RPS6KC1: variants seen among roughly 807,000 people sequenced by gnomAD.
The protein encoded by RPS6KC1 is inactive ribosomal protein S6 kinase delta-1.
A neutral mutation model predicts 103.8 loss-of-function variants in RPS6KC1; 54 were observed. That is an observed-to-expected ratio of 0.52 (90% CI 0.42 to 0.65). The LOEUF is 0.65. Ranked by LOEUF, RPS6KC1 falls within the 30% of genes least tolerant of loss-of-function variation. The pLI, the probability that RPS6KC1 is intolerant of heterozygous loss-of-function variation, is 0.00. For missense variants in RPS6KC1, 1,151 were observed against 1,253.8 expected, an observed-to-expected ratio of 0.92 and a Z score of 1.24; for synonymous variants, 439 against 438.7, an observed-to-expected ratio of 1.00 and a Z score of -0.01.
At chr1:213,667,616 A>G in the RPS6KC1 span, among the ~76,000 whole-genome samples, 15 of 152,102 alleles carry the variant, frequency 9.9e-5, no homozygotes, top group Non-Finnish European at 1.9e-4. Flanking sequence ...GGCTGTAGCA[A>G]TTTCTTAAAA....
At chr1:213,824,530 G>T in the RPS6KC1 span, among the ~76,000 whole-genome samples, 5 of 152,158 alleles carry the variant, frequency 3.3e-5, no homozygotes, top group Admixed American at 2.6e-4. Flanking sequence ...ATATGGTTTG[G>T]CTATGTCCCC....
At chr1:213,098,437 C>G (rs1350249410) in intron 3 of RPS6KC1, among the ~76,000 whole-genome samples, 1 of 151,918 alleles carries the variant, frequency 6.6e-6, no homozygotes, top group Non-Finnish European at 1.5e-5. Flanking sequence ...CCACTGCACC[C>G]TGCCTTATTT....
chr1:213,450,674 C>T, the RPS6KC1 span, among the ~76,000 whole-genome samples: 1 of 152,170 alleles, frequency 6.6e-6, no homozygotes, highest in Non-Finnish European at 1.5e-5. Flanking sequence ...TATCTCTGGG[C>T]TGAGCACATA....
At chr1:213,830,400 A>G in the RPS6KC1 span, among the ~76,000 whole-genome samples, 1 of 152,122 alleles carries the variant, frequency 6.6e-6, no homozygotes, top group African/African-American at 2.4e-5. Context: ...TAATATGGTT[A>G]TTTTTATTCT....
At chr1:213,060,039 A>G (rs558511247) in intron 1 of RPS6KC1, among the ~76,000 whole-genome samples, 1 of 152,106 alleles carries the variant, frequency 6.6e-6, no homozygotes, top group South Asian at 2.1e-4. Flanking sequence ...GCTGGTCTCT[A>G]ACTCCTGGCC....
chr1:213,688,668 A>C, the RPS6KC1 span, among the ~76,000 whole-genome samples: 1 of 152,122 alleles, frequency 6.6e-6, no homozygotes, highest in African/African-American at 2.4e-5. Context: ...AACACTTACC[A>C]TCTTGCTTTC....
At chr1:213,588,994 C>A in the RPS6KC1 span, among the ~76,000 whole-genome samples, 11 of 152,150 alleles carry the variant, frequency 7.2e-5, no homozygotes, top group African/African-American at 2.4e-4. Context: ...GAAGCAGCTC[C>A]TGGTATAGCA....
chr1:213,662,276 C>CT, the RPS6KC1 span, among the ~76,000 whole-genome samples: 10 of 150,466 alleles, frequency 6.6e-5, no homozygotes, highest in South Asian at 4.2e-4. Context: ...CTTTTCTTTT[C>CT]TTTTTTTTTG....
chr1:213,571,187 G>A, the RPS6KC1 span, among the ~76,000 whole-genome samples: 2 of 152,094 alleles, frequency 1.3e-5, no homozygotes, highest in East Asian at 1.9e-4. Flanking sequence ...TAAAATGGAG[G>A]GTTTTTTGGG....
At chr1:213,293,665 C>G in the RPS6KC1 span, among the ~76,000 whole-genome samples, 3 of 152,082 alleles carry the variant, frequency 2.0e-5, no homozygotes, top group Non-Finnish European at 4.4e-5. Flanking sequence ...GAACGAGATG[C>G]TGTCTTGAAA....
At chr1:213,500,907 A>G in the RPS6KC1 span, among the ~76,000 whole-genome samples, 3 of 152,336 alleles carry the variant, frequency 2.0e-5, no homozygotes, top group South Asian at 2.1e-4. Flanking sequence ...TATACTAGAA[A>G]ACAGAAAAAG....
chr1:213,678,528 G>C, the RPS6KC1 span, among the ~76,000 whole-genome samples: 1 of 152,212 alleles, frequency 6.6e-6, no homozygotes, highest in Admixed American at 6.5e-5. Context: ...CTCCCCAGAG[G>C]GCAGCTAGGC....
chr1:213,197,806 C>G (rs1204388001), intron 8 of RPS6KC1, among the ~76,000 whole-genome samples: 1 of 152,108 alleles, frequency 6.6e-6, no homozygotes, highest in Non-Finnish European at 1.5e-5. Context: ...GCAGGGAATA[C>G]CTTTTTCCAT....
chr1:213,772,251 T>C, the RPS6KC1 span, among the ~76,000 whole-genome samples: 1 of 152,108 alleles, frequency 6.6e-6, no homozygotes, highest in Admixed American at 6.5e-5. Flanking sequence ...GCCTGCACAA[T>C]AGTGTCCAAC....
chr1:213,761,771 G>A, the RPS6KC1 span, among the ~76,000 whole-genome samples: 1 of 152,182 alleles, frequency 6.6e-6, no homozygotes, highest in African/African-American at 2.4e-5. Context: ...AGGGATGAAG[G>A]CAAGAAGAAT....
the RPS6KC1 span, among the ~76,000 whole-genome samples, chr1:213,815,060 G>A: frequency 5.3e-5 from 8 of 152,200 alleles, no homozygotes; most frequent in Non-Finnish European, 8.8e-5. Flanking sequence ...ATTGGGGGAT[G>A]ATTGAATCAT....
intron 8 of RPS6KC1, among the ~76,000 whole-genome samples, chr1:213,223,843 G>A (rs1163141636): frequency 1.3e-5 from 2 of 152,066 alleles, no homozygotes; most frequent in Non-Finnish European, 2.9e-5. Context: ...ATTTTAACTT[G>A]TATTAATTGT....
At chr1:213,261,809 T>A (rs2094804294) in intron 13 of RPS6KC1, among the ~76,000 whole-genome samples, 169 bp downstream of exon 13, 1 of 152,226 alleles carries the variant, frequency 6.6e-6, no homozygotes, top group African/African-American at 2.4e-5. Flanking sequence ...AGATTTTTTT[T>A]AAAAGTTGGA....
chr1:213,179,895 T>C (rs1420991869), intron 8 of RPS6KC1, among the ~76,000 whole-genome samples: 1 of 152,178 alleles, frequency 6.6e-6, no homozygotes, highest in East Asian at 1.9e-4. Context: ...ATAAATGAAT[T>C]GAAACTTAAT....
Sources: allele counts gnomAD v4.1 joint callset (sites outside exome capture counted in the v4.1 genomes callset), GRCh38; gene constraint gnomAD v4.1.1; transcripts MANE v1.5; gene names NCBI Gene and HGNC (gene_info 2026-07-23, HGNC 2026-07-21).